Variants in CDON observed in about 807,000 individuals in gnomAD.
CDON encodes the protein cell adhesion molecule-related/down-regulated by oncogenes.
CDON carries 73 observed loss-of-function variants against 120.9 expected under a neutral mutation model. The ratio of observed to expected loss-of-function variants is 0.60; its 90% confidence interval spans 0.50 to 0.73. The LOEUF is 0.73. CDON is among the 30% of genes least tolerant of loss of function. The pLI, the probability that CDON is intolerant of heterozygous loss-of-function variation, is 0.00. For missense variants in CDON, 1,470 were observed against 1,587.3 expected (o/e 0.93, Z 1.26); for synonymous variants, 566 against 573.5 (o/e 0.99, Z 0.19).
chr11:126,053,426 C>T (rs1005261223), intron 1 of CDON, among the ~76,000 whole-genome samples: 1 of 152,134 alleles, frequency 6.6e-6, no homozygotes, highest in African/African-American at 2.4e-5. Context: ...TATATCATGG[C>T]CACATCTAGA....
intron 3 of CDON, among the ~76,000 whole-genome samples, chr11:126,020,974 G>A (rs928756345): frequency 1.4e-5 from 2 of 141,034 alleles, no homozygotes; most frequent in African/African-American, 2.8e-5. Flanking sequence ...CCCTGGCAAA[G>A]CTGCAGAGAT....
intron 1 of CDON, among the ~76,000 whole-genome samples, chr11:126,052,656 C>T (rs1694524996): frequency 6.6e-6 from 1 of 152,060 alleles, no homozygotes; most frequent in Non-Finnish European, 1.5e-5. Flanking sequence ...AACCCTGTCC[C>T]TACTAAAACT....
intron 1 of CDON, among the ~76,000 whole-genome samples, chr11:126,040,053 C>T (rs923443287): frequency 6.6e-6 from 1 of 152,120 alleles, no homozygotes; most frequent in African/African-American, 2.4e-5. Context: ...CATGAACGGA[C>T]AGAGCAGATG....
chr11:126,002,749 T>G (rs1946986171), intron 10 of CDON, among the ~76,000 whole-genome samples: 1 of 152,190 alleles, frequency 6.6e-6, no homozygotes, highest in East Asian at 1.9e-4. Context: ...AGCTCAAATG[T>G]TCCAGCTCTT....
At chr11:126,024,487 C>T (rs1947732658) in intron 1 of CDON, among the ~76,000 whole-genome samples, 1 of 152,074 alleles carries the variant, frequency 6.6e-6, no homozygotes, top group Non-Finnish European at 1.5e-5. Context: ...GAGTGTGGGA[C>T]ACAGATGTGT....
In CDON at chr11:126,010,546, T is replaced by C. The variant is rs1464883955; in HGVS notation, c.1347A>G (p.Pro449=). Residue 449 remains proline, a synonymous_variant, in exon 8 of 20, where the codon CCA becomes CCG. Transcript: ENST00000531738. ...GGGATTTCGATCTCAGGACTTGAGATGGATGGCTGGTTATCAATCCATGGC... is the reference window on the plus strand; with the variant it reads ...GGGATTTCGATCTCAGGACTTGAGACGGATGGCTGGTTATCAATCCATGGC... ...YDSHGLITSH[P]SQVLRSKSRK... 9.3e-6 allele frequency: 15 copies of C among 1,614,148 alleles called. No homozygotes were observed. Among genetic ancestry groups the C allele is most frequent in the South Asian group, 7.7e-5 (7 of 91,080 alleles).
intron 1 of CDON, among the ~76,000 whole-genome samples, chr11:126,026,415 A>G (rs1947794165): frequency 6.6e-6 from 1 of 152,252 alleles, no homozygotes; most frequent in Non-Finnish European, 1.5e-5. Flanking sequence ...TACATTAATG[A>G]CATTTTAGAA....
chr11:126,061,345 G>A (rs1236591340), intron 1 of CDON, among the ~76,000 whole-genome samples: 2 of 152,120 alleles, frequency 1.3e-5, no homozygotes, highest in Admixed American at 1.3e-4. Flanking sequence ...ATGCTTTCTA[G>A]TTAAGCACTA....
Position 125,981,401 on chromosome 11 carries a change from C to T in CDON, c.2996-72G>A, listed in dbSNP as rs149240816. The T allele has an allele frequency of 1.2e-3, 1,684 of 1,458,902 alleles. 21 individuals are homozygous for T. In the African/African-American group the frequency reaches 0.013, roughly 11 times the overall value. 90.4% of individuals were successfully genotyped at this position (1,458,902 alleles called of 1,614,324 possible). A position where few individuals can be genotyped will look rare whatever the true frequency, so the allele number is the denominator to read the frequency against. On this transcript the variant is annotated intron_variant, in intron 16 of 19. Transcript: ENST00000531738. Reference sequence around the variant, plus strand: ...ACGCACACATGCACATACGCACACACGCATGCACACATGCACATACGCACA... The same window carrying T: ...ACGCACACATGCACATACGCACACATGCATGCACACATGCACATACGCACA...
chr11:126,044,219 T>C (rs572882599), intron 1 of CDON, among the ~76,000 whole-genome samples: 1 of 152,314 alleles, frequency 6.6e-6, no homozygotes, highest in South Asian at 2.1e-4. Context: ...AAAAAGTAAT[T>C]ATTAATACAT....
intron 1 of CDON, among the ~76,000 whole-genome samples, chr11:126,048,295 A>AAAAG (rs1948459536): frequency 6.6e-6 from 1 of 151,782 alleles, no homozygotes; most frequent in African/African-American, 2.4e-5. Context: ...AAAAAAAAAA[A>AAAAG]AGAAAAGAAA....
chr11:126,021,619 T>C, intron 2 of CDON, 99 bp from the exon 3 acceptor site: 1 of 1,051,908 alleles, frequency 9.5e-7, no homozygotes, highest in Non-Finnish European at 1.4e-6. Context: ...TCTTTATAAC[T>C]AAAGGCAATC....
upstream of CDON, chr11:126,063,324 T>G (rs1204081329): frequency 2.6e-5 from 4 of 152,040 alleles, no homozygotes; most frequent in Admixed American, 2.6e-4. Flanking sequence ...AATGGTCGAC[T>G]CTGTCCCCCG....
At chr11:126,028,724 ATTTAT>A (rs1331672800) in intron 1 of CDON, among the ~76,000 whole-genome samples, 1 of 150,622 alleles carries the variant, frequency 6.6e-6, no homozygotes, top group African/African-American at 2.4e-5. Context: ...TTATTTATTT[ATTTAT>A]TTATTTATTT....
chr11:125,996,659 C>G (rs1019924043), intron 12 of CDON, among the ~76,000 whole-genome samples: 1 of 129,696 alleles, frequency 7.7e-6, no homozygotes, highest in African/African-American at 2.9e-5. Flanking sequence ...GAGATTTCGC[C>G]ACTGCACTCC....
intron 11 of CDON, among the ~76,000 whole-genome samples, chr11:125,998,715 C>G (rs775907373): frequency 1.3e-5 from 2 of 152,202 alleles, no homozygotes; most frequent in African/African-American, 2.4e-5. Flanking sequence ...ATAATCCGGT[C>G]TGTATGACAG....
chr11:125,970,448 C>G (rs1261970690), intron 18 of CDON, among the ~76,000 whole-genome samples: 2 of 152,112 alleles, frequency 1.3e-5, no homozygotes, highest in African/African-American at 4.8e-5. Context: ...GCTGGGATTA[C>G]AGACGTGAGC....
chr11:126,019,102 AGTCATTCATTT>A (rs1354342331), intron 4 of CDON, among the ~76,000 whole-genome samples: 1 of 152,158 alleles, frequency 6.6e-6, no homozygotes, highest in Non-Finnish European at 1.5e-5. Context: ...TGCACTGTCT[AGTCATTCATTT>A]TTTTTCCACA....
chr11:126,023,973 G>A (rs959451652), intron 1 of CDON, among the ~76,000 whole-genome samples: 8 of 152,182 alleles, frequency 5.3e-5, no homozygotes, highest in African/African-American at 1.2e-4. Flanking sequence ...TTTAATACAC[G>A]AATTTAATCT....
Sources: gnomAD v4.1 joint callset for allele counts (sites outside exome capture counted in the v4.1 genomes callset) on GRCh38, gnomAD v4.1.1 for gene constraint, MANE v1.5 for transcripts, NCBI Gene and HGNC (gene_info 2026-07-23, HGNC 2026-07-21) for gene names.